Variants in COL22A1 observed in about 807,000 individuals in gnomAD.
COL22A1 encodes collagen type XXII alpha 1 chain, also known as collagen alpha-1(XXII) chain.
A neutral mutation model predicts 248.9 loss-of-function variants in COL22A1; 221 were observed. The ratio of observed to expected loss-of-function variants is 0.89; its 90% CI spans 0.80 to 0.99. The LOEUF is 0.99. Ranked by LOEUF, COL22A1 falls within the 50% of genes least tolerant of loss-of-function variation. COL22A1 has a pLI of 0.00. For missense variants in COL22A1, 2,240 were observed against 2,179.0 expected, an observed-to-expected ratio of 1.03 and a Z score of -0.56; for synonymous variants, 891 against 793.4, an observed-to-expected ratio of 1.12 and a Z score of -2.07.
At chr8:138,611,156 C>T (rs1354619829) in intron 56 of COL22A1, among the ~76,000 whole-genome samples, 3 of 152,212 alleles carry the variant, frequency 2.0e-5, no homozygotes. Context: ...TGCCAAGAGG[C>T]CAGGGAGAGA....
At chr8:138,760,884 C>T (rs951177642) in intron 17 of COL22A1, among the ~76,000 whole-genome samples, 3 of 152,246 alleles carry the variant, frequency 2.0e-5, no homozygotes, top group South Asian at 2.1e-4. Context: ...AGGAGCAGGG[C>T]GTGGGAGCAG....
chr8:138,770,239 A>C (rs4736037), intron 16 of COL22A1, among the ~76,000 whole-genome samples: 77 of 151,924 alleles, frequency 5.1e-4, no homozygotes, highest in Non-Finnish European at 9.9e-4. Context: ...GTTGTCTGGG[A>C]GACATGGTTT....
chr8:138,670,274 T>C (rs371587879), intron 41 of COL22A1, among the ~76,000 whole-genome samples: 37 of 152,332 alleles, frequency 2.4e-4, no homozygotes, highest in African/African-American at 8.7e-4. Context: ...CCCTGGAGTC[T>C]GGAAGGTGGT....
At chr8:138,687,721 C>A (rs7813511) in intron 37 of COL22A1, among the ~76,000 whole-genome samples, 7 of 152,100 alleles carry the variant, frequency 4.6e-5, no homozygotes, top group Admixed American at 3.9e-4. Context: ...GCGGCATCAC[C>A]CTCATTTTAC....
chr8:138,610,637 G>A (rs912176720), intron 56 of COL22A1, among the ~76,000 whole-genome samples: 26 of 152,158 alleles, frequency 1.7e-4, no homozygotes, highest in African/African-American at 4.6e-4. Flanking sequence ...ACCACACAGC[G>A]GCCTCTGGGG....
intron 56 of COL22A1, among the ~76,000 whole-genome samples, chr8:138,608,313 C>T (rs1468691322): frequency 1.3e-5 from 2 of 152,210 alleles, no homozygotes; most frequent in Non-Finnish European, 2.9e-5. Context: ...TCCATCCATT[C>T]AGTTGCTGTG....
At chr8:138,747,159 A>G (rs1345614922) in intron 22 of COL22A1, among the ~76,000 whole-genome samples, 1 of 152,204 alleles carries the variant, frequency 6.6e-6, no homozygotes, top group Non-Finnish European at 1.5e-5. Flanking sequence ...TAGAAACAAC[A>G]TGATGTGATG....
At chr8:138,901,369 G>GTTTTTTTTT (rs1396582556) in intron 1 of COL22A1, among the ~76,000 whole-genome samples, 3 of 118,772 alleles carry the variant, frequency 2.5e-5, no homozygotes, top group Non-Finnish European at 5.0e-5. Context: ...TTTTTTTTTT[G>GTTTTTTTTT]TTTTTTTTTT....
At chr8:138,824,064 C>T (rs189180599) in intron 6 of COL22A1, among the ~76,000 whole-genome samples, 400 of 152,298 alleles carry the variant, frequency 2.6e-3, no homozygotes, top group Middle Eastern at 0.014. Context: ...AATTCCATCA[C>T]CTATTTTATG....
intron 11 of COL22A1, among the ~76,000 whole-genome samples, chr8:138,798,200 T>C (rs1413143546): frequency 6.6e-6 from 1 of 151,526 alleles, no homozygotes; most frequent in Non-Finnish European, 1.5e-5. Context: ...CAGGATATAG[T>C]TTGATCTTGT....
chr8:138,813,420 C>T lies in COL22A1; in HGVS notation c.1246-401G>A, dbSNP rs538082561. On this transcript the variant is annotated intron_variant, in intron 7 of 64. Coordinates refer to ENST00000303045, the MANE Select transcript of COL22A1 (RefSeq NM_152888.3). The stretch of plus-strand genomic sequence containing the variant: ...TCCCCTTTTTCTTGGCTCTCATTCT[C>T]TCTTGACTGCCACCAAGTAAGATGT... 2.0e-5 allele frequency among the ~76,000 whole-genome samples: 3 copies of T among 152,282 alleles called. No individual in the cohort carries two copies. In the South Asian group the frequency reaches 6.2e-4, roughly 32 times the overall value.
chr8:138,910,004 G>A (rs1280916289), intron 1 of COL22A1, among the ~76,000 whole-genome samples: 1 of 152,200 alleles, frequency 6.6e-6, no homozygotes. Context: ...TGCAGCAGCA[G>A]GCAGGGACTG....
chr8:138,774,752 T>C (rs1349640450), intron 16 of COL22A1, among the ~76,000 whole-genome samples: 8 of 152,138 alleles, frequency 5.3e-5, no homozygotes, highest in Admixed American at 4.6e-4. Flanking sequence ...CTGGAAACAA[T>C]TGTAAATGAT....
At position 138,664,124 on chromosome 8, in the gene COL22A1, G is replaced by A. The variant is rs568846803; in HGVS notation, c.3151-384C>T. On this transcript the variant is annotated intron_variant, in intron 41 of 64. Transcript: ENST00000303045. ...CTTGGGAAAGGACGGGCATGATAAC[G>A]ACCACATTCCCCAGCCATAGCGCTA... Among the ~76,000 whole-genome samples, 299 of 150,094 alleles carry A rather than the reference G, an allele frequency of 2.0e-3. 3 individuals carry two copies. The highest frequency in any genetic ancestry group is 6.8e-3 in the African/African-American group (277 of 40,884).
intron 63 of COL22A1, among the ~76,000 whole-genome samples, chr8:138,593,052 T>A (rs1160304925): frequency 1.3e-5 from 2 of 151,818 alleles, no homozygotes; most frequent in Non-Finnish European, 2.9e-5. Flanking sequence ...AAAGAATGAG[T>A]TCATGTCCTT....
chr8:138,811,479 GTCT>G (rs1437682646), intron 9 of COL22A1, among the ~76,000 whole-genome samples: 1 of 152,114 alleles, frequency 6.6e-6, no homozygotes, highest in Non-Finnish European at 1.5e-5. Flanking sequence ...CTCACTCACT[GTCT>G]TCTTCTGAGT....
intron 47 of COL22A1, among the ~76,000 whole-genome samples, chr8:138,639,677 C>T (rs1338708454): frequency 6.6e-6 from 1 of 152,082 alleles, no homozygotes; most frequent in Non-Finnish European, 1.5e-5. Context: ...GAAAGGTATG[C>T]AAATACTTTT....
chr8:138,686,527 T>G (rs768767586), intron 37 of COL22A1, among the ~76,000 whole-genome samples: 18 of 152,144 alleles, frequency 1.2e-4, no homozygotes, highest in Admixed American at 3.9e-4. Context: ...AGGATCAGCT[T>G]CCCCTAGCCG....
At chr8:138,598,563 C>T (rs1232866284) in intron 61 of COL22A1, among the ~76,000 whole-genome samples, 156 bp downstream of exon 61, 1 of 152,214 alleles carries the variant, frequency 6.6e-6, no homozygotes, top group Non-Finnish European at 1.5e-5. Context: ...CAAGGAACGG[C>T]AGATTCAGAG....
Sources: gnomAD v4.1 joint callset for allele counts (sites outside exome capture counted in the v4.1 genomes callset) on GRCh38, gnomAD v4.1.1 for gene constraint, MANE v1.5 for transcripts, NCBI Gene and HGNC (gene_info 2026-07-23, HGNC 2026-07-21) for gene names.